Variants in ASTN1 observed in about 807,000 individuals in gnomAD.
ASTN1 encodes the protein astrotactin 1.
A neutral mutation model predicts 140.7 loss-of-function variants in ASTN1; 41 were observed. The ratio of observed to expected loss-of-function variants is 0.29; its 90% CI spans 0.23 to 0.38. The LOEUF (loss-of-function observed/expected upper bound fraction) is 0.38, where lower values mean the gene tolerates loss of function less well. Among genes scored for constraint, ASTN1 ranks in the 10% least tolerant of loss-of-function variants. ASTN1 has a pLI of 1.00. For synonymous variants in ASTN1, 640 were observed against 652.2 expected (o/e 0.98, Z 0.29); for missense variants, 1,479 against 1,678.8 (o/e 0.88, Z 2.08).
chr1:177,136,499 C>T (rs1682209979), intron 1 of ASTN1, among the ~76,000 whole-genome samples: 1 of 151,892 alleles, frequency 6.6e-6, no homozygotes, highest in Admixed American at 6.6e-5. Context: ...AGTACAGGTG[C>T]ACCCCACAAC....
At chr1:176,938,773 G>T (rs530283325) in intron 14 of ASTN1, among the ~76,000 whole-genome samples, 1 of 152,286 alleles carries the variant, frequency 6.6e-6, no homozygotes, top group African/African-American at 2.4e-5. Flanking sequence ...CATCCTATCT[G>T]CCTTATAGGC....
At chr1:176,975,236 A>C (rs1395833430) in intron 8 of ASTN1, among the ~76,000 whole-genome samples, 1 of 152,230 alleles carries the variant, frequency 6.6e-6, no homozygotes, top group Admixed American at 6.5e-5. Context: ...GGTGCTGTCC[A>C]TGTGTCATTT....
At chr1:176,953,905 T>G (rs912047895) in intron 11 of ASTN1, among the ~76,000 whole-genome samples, 1 of 152,116 alleles carries the variant, frequency 6.6e-6, no homozygotes, top group African/African-American at 2.4e-5. Context: ...TCAGAATGAG[T>G]GTGAAGTTAA....
intron 1 of ASTN1, among the ~76,000 whole-genome samples, chr1:177,077,716 C>T (rs1428374409): frequency 6.6e-6 from 1 of 152,156 alleles, no homozygotes; most frequent in Non-Finnish European, 1.5e-5. Context: ...GCCAGTGCCT[C>T]GGATGTGTCA....
At chr1:177,143,393 AGGGACTTTATTCT>A (rs1428807723) in intron 1 of ASTN1, among the ~76,000 whole-genome samples, 1 of 152,206 alleles carries the variant, frequency 6.6e-6, no homozygotes, top group Non-Finnish European at 1.5e-5. Flanking sequence ...GGCCACGCGC[AGGGACTTTATTCT>A]GGGCTGAACC....
chr1:176,897,634 G>A (rs1298811399), intron 16 of ASTN1, among the ~76,000 whole-genome samples: 1 of 151,922 alleles, frequency 6.6e-6, no homozygotes, highest in East Asian at 1.9e-4. Context: ...AGTAACACAC[G>A]GCTACTTTAA....
intron 16 of ASTN1, among the ~76,000 whole-genome samples, chr1:176,925,520 C>T (rs955656216): frequency 6.6e-6 from 1 of 152,122 alleles, no homozygotes. Flanking sequence ...GGATAAGAGA[C>T]AAAAACTATT....
intron 1 of ASTN1, among the ~76,000 whole-genome samples, chr1:177,124,228 G>C (rs753176437): frequency 6.6e-6 from 1 of 152,114 alleles, no homozygotes; most frequent in Non-Finnish European, 1.5e-5. Context: ...TCCTCAGCCT[G>C]GCAGTGGAGC....
At chr1:176,894,231 C>T (rs78482556) in intron 17 of ASTN1, among the ~76,000 whole-genome samples, 357 of 152,186 alleles carry the variant, frequency 2.3e-3, no homozygotes, top group African/African-American at 8.1e-3. Flanking sequence ...ATCCTCCCCA[C>T]AACTGTCCCC....
intron 17 of ASTN1, among the ~76,000 whole-genome samples, chr1:176,890,874 A>C (rs1571464596): frequency 6.6e-6 from 1 of 152,044 alleles, no homozygotes; most frequent in African/African-American, 2.4e-5. Flanking sequence ...AAAACTACAA[A>C]AAGTAAGCTG....
At chr1:177,116,475 C>T (rs1417503344) in intron 1 of ASTN1, among the ~76,000 whole-genome samples, 3 of 152,138 alleles carry the variant, frequency 2.0e-5, no homozygotes, top group African/African-American at 7.2e-5. Context: ...CCCATTAGCT[C>T]GTAAACATAC....
At chr1:177,026,895 C>T (rs1217129672) in intron 5 of ASTN1, among the ~76,000 whole-genome samples, 1 of 152,150 alleles carries the variant, frequency 6.6e-6, no homozygotes, top group Non-Finnish European at 1.5e-5. Context: ...CATGTTGTCC[C>T]TGGGAGGATC....
intron 17 of ASTN1, among the ~76,000 whole-genome samples, chr1:176,891,828 A>T (rs1413134868): frequency 6.6e-6 from 1 of 152,184 alleles, no homozygotes; most frequent in Non-Finnish European, 1.5e-5. Context: ...AACAAACAAC[A>T]AAAACATACA....
intron 4 of ASTN1, among the ~76,000 whole-genome samples, chr1:177,030,301 A>C (rs1215313321): frequency 6.6e-6 from 1 of 152,212 alleles, no homozygotes; most frequent in Non-Finnish European, 1.5e-5. Flanking sequence ...AAACAGGTAA[A>C]GGTTTTTTAA....
intron 16 of ASTN1, among the ~76,000 whole-genome samples, chr1:176,921,482 A>G (rs944943003): frequency 4.6e-5 from 7 of 152,244 alleles, no homozygotes; most frequent in African/African-American, 1.7e-4. Context: ...ACCTTCTGCA[A>G]AGAAAACTTT....
At chr1:176,941,993 CGT>C (rs1671735655) in intron 14 of ASTN1, among the ~76,000 whole-genome samples, 4 of 152,030 alleles carry the variant, frequency 2.6e-5, no homozygotes, top group Admixed American at 2.6e-4. Flanking sequence ...TGCATGTGCG[CGT>C]GTGCATGTAA....
chr1:176,925,138 G>A (rs1471463148), intron 16 of ASTN1, among the ~76,000 whole-genome samples: 1 of 152,240 alleles, frequency 6.6e-6, no homozygotes, highest in African/African-American at 2.4e-5. Context: ...AGTGATCAAT[G>A]GCCTAATCAA....
At chr1:177,038,975 C>A (rs1676855427) in intron 2 of ASTN1, among the ~76,000 whole-genome samples, 1 of 152,144 alleles carries the variant, frequency 6.6e-6, no homozygotes, top group Non-Finnish European at 1.5e-5. Context: ...CAGTGGAATC[C>A]TTCTCAAATC....
chr1:177,040,598 G>A (rs1285560821), intron 2 of ASTN1, among the ~76,000 whole-genome samples: 1 of 152,184 alleles, frequency 6.6e-6, no homozygotes, highest in Admixed American at 6.5e-5. Context: ...AGTCTTCCAA[G>A]GTTAAGTAGG....
Sources: allele counts gnomAD v4.1 joint callset (sites outside exome capture counted in the v4.1 genomes callset), GRCh38; gene constraint gnomAD v4.1.1; transcripts MANE v1.5; gene names NCBI Gene and HGNC (gene_info 2026-07-23, HGNC 2026-07-21).